The following TCF12 variants were observed in gnomAD, a reference collection of about 807,000 sequenced individuals.
TCF12 encodes the protein DNA-binding protein HTF4.
TCF12 carries 45 observed loss-of-function variants against 86.0 expected under a neutral mutation model. The ratio of observed to expected loss-of-function variants is 0.52; its 90% CI spans 0.41 to 0.67. The LOEUF (loss-of-function observed/expected upper bound fraction) is 0.67, where lower values mean the gene tolerates loss of function less well. TCF12 is among the 30% of genes least tolerant of loss of function. The pLI, the probability that TCF12 is intolerant of heterozygous loss-of-function variation, is 0.00. For missense variants in TCF12, 881 were observed against 859.9 expected, an observed-to-expected ratio of 1.02 and a Z score of -0.31; for synonymous variants, 330 against 299.6, an observed-to-expected ratio of 1.10 and a Z score of -1.05.
intron 3 of TCF12, among the ~76,000 whole-genome samples, chr15:57,046,435 TTTTG>T (rs148324656): frequency 6.6e-6 from 1 of 152,036 alleles, no homozygotes. Flanking sequence ...CTGACATTGT[TTTTG>T]TTTGTTTGTT....
intron 5 of TCF12, among the ~76,000 whole-genome samples, chr15:57,111,383 A>T (rs2050478535): frequency 6.6e-6 from 1 of 152,072 alleles, no homozygotes; most frequent in South Asian, 2.1e-4. Context: ...AGACCTAAGC[A>T]AGAGAGATCA....
rs548309656 is a variant in TCF12, at chr15:57,208,754, C to T, written c.579+10929C>T. Among the ~76,000 whole-genome samples the T allele has an allele frequency of 7.2e-5, 11 of 151,736 alleles. 1 individual carries two copies. The East Asian group carries it at 1.4e-3, about 19-fold the overall frequency. On this transcript the variant is annotated intron_variant, in intron 8 of 20. Coordinates refer to ENST00000333725, the MANE Select transcript of TCF12 (RefSeq NM_207037.2). ...ACAGGAATTCAGTCTGTGGTCCAGGCTGGAGTACAGTGGTGCCATCATAGC... is the reference window on the plus strand; with the variant it reads ...ACAGGAATTCAGTCTGTGGTCCAGGTTGGAGTACAGTGGTGCCATCATAGC...
rs1423171614 is a variant in TCF12, at chr15:57,134,767, CCT to C, written c.326-31628_326-31627del. ...AACTGATGCCATTAATTTTTTTTTTCCTCTCTCTTAAATCTTGCCCAGTGGAT... is the reference window on the plus strand; with the variant it reads ...AACTGATGCCATTAATTTTTTTTTTCCTCTCTTAAATCTTGCCCAGTGGAT... On this transcript the variant is annotated intron_variant, in intron 5 of 20. Coordinates refer to ENST00000333725, the MANE Select transcript of TCF12 (RefSeq NM_207037.2). 1.7e-4 allele frequency among the ~76,000 whole-genome samples: 26 copies of C among 151,086 alleles called. 1 individual carries two copies. The highest frequency in any genetic ancestry group is 1.4e-3 in the Admixed American group (21 of 15,190).
chr15:57,113,424 G>T (rs537180705), intron 5 of TCF12, among the ~76,000 whole-genome samples: 2 of 152,108 alleles, frequency 1.3e-5, no homozygotes, highest in Non-Finnish European at 2.9e-5. Flanking sequence ...TTGAGGGCAG[G>T]TCTCCTTGTT....
rs1342823860 is a variant in TCF12 at position 57,192,195 on chromosome 15, C to T, written c.428C>T (p.Pro143Leu). 6.2e-7 allele frequency: 1 copy of T among 1,613,870 alleles called. No individual in the cohort carries two copies. The highest frequency in any genetic ancestry group is 8.5e-7 in the Non-Finnish European group (1 of 1,179,968). The change falls in exon 7 of 21, where the codon CCA (proline) becomes CTA (leucine). Residue 143 changes from proline (P) to leucine (L), a missense_variant. Coordinates refer to ENST00000333725, the MANE Select transcript of TCF12 (RefSeq NM_207037.2). ...AGACAAGATCTGGGGCTTGGGAGCC[C>T]AGCACAGCTATCTTCTTCAGGAAAA... ...LLRQDLGLGSPAQLSSSGKPG... is the reference protein window; with the variant it reads ...LLRQDLGLGSLAQLSSSGKPG...
intron 8 of TCF12, among the ~76,000 whole-genome samples, chr15:57,218,127 G>A (rs1324214103): frequency 6.6e-6 from 1 of 152,078 alleles, no homozygotes; most frequent in Non-Finnish European, 1.5e-5. Flanking sequence ...AAATGAGGTT[G>A]GGGGGATAGG....
chr15:56,952,621 G>T (rs553233469), intron 3 of TCF12, among the ~76,000 whole-genome samples: 4 of 151,938 alleles, frequency 2.6e-5, no homozygotes, highest in Admixed American at 2.0e-4. Flanking sequence ...ATATATCTCT[G>T]TTTCATACTT....
Position 56,943,089 on chromosome 15 carries a change from C to T in TCF12, c.148+21991C>T, listed in dbSNP as rs541051813. ...TTCCCACTCCTTGGCAGAGGTTTTC[C>T]TCTGTTCAGTTTCTCCTGAGAGCTT... On this transcript the variant is annotated intron_variant, in intron 3 of 20. Transcript: ENST00000333725. Among the ~76,000 whole-genome samples the T allele has an allele frequency of 3.0e-4, 45 of 152,218 alleles. No individual in the cohort carries two copies. The East Asian group carries it at 8.1e-3, about 27-fold the overall frequency.
intron 3 of TCF12, among the ~76,000 whole-genome samples, chr15:56,990,135 T>C (rs761523834): frequency 2.3e-4 from 34 of 149,824 alleles, no homozygotes; most frequent in Non-Finnish European, 4.3e-4. Context: ...CCATTTATTT[T>C]TAGGCATAGT....
chr15:57,075,824 C>CTTTTATT (rs1567371004), intron 4 of TCF12, among the ~76,000 whole-genome samples: 1 of 52,862 alleles, frequency 1.9e-5, no homozygotes, highest in African/African-American at 8.0e-5. Flanking sequence ...CTCTCTCTCT[C>CTTTTATT]TCTCTCTCTC....
At chr15:57,071,082 G>A (rs1006367721) in intron 4 of TCF12, among the ~76,000 whole-genome samples, 1 of 152,082 alleles carries the variant, frequency 6.6e-6, no homozygotes, top group Non-Finnish European at 1.5e-5. Flanking sequence ...CAGGAAATAT[G>A]CTTAGACATG....
At chr15:57,157,568 T>C (rs72731958) in intron 5 of TCF12, among the ~76,000 whole-genome samples, 26,219 of 149,812 alleles carry the variant, frequency 0.18, 2,662 homozygotes, top group Non-Finnish European at 0.23. Context: ...TTTTTTTTTT[T>C]TCCTTTTTTG....
At chr15:57,246,673 G>A (rs115203972) in intron 13 of TCF12, among the ~76,000 whole-genome samples, 1,753 of 152,070 alleles carry the variant, frequency 0.012, 31 homozygotes, top group African/African-American at 0.039. Context: ...AGAAAAAGAC[G>A]AAGCTACAAC....
At chr15:57,290,629 AAGC>A (rs1342903629), downstream of TCF12, among the ~76,000 whole-genome samples, 2 of 152,226 alleles carry the variant, frequency 1.3e-5, no homozygotes. Flanking sequence ...AAGAAGGCCC[AAGC>A]AGCCCAGTGA....
rs145912946 is a variant in TCF12, at chr15:57,018,172, A to G, written c.149-45578A>G. 5.3e-3 allele frequency among the ~76,000 whole-genome samples: 800 copies of G among 152,346 alleles called. 9 individuals carry two copies. Among genetic ancestry groups the G allele is most frequent in the African/African-American group, 0.019 (775 of 41,580 alleles). Reference sequence around the variant, plus strand: ...ATTGCAACCTGGGAGCATAGATTCAAGTTGCTCTGAATATACACATTGATT... The same window carrying G: ...ATTGCAACCTGGGAGCATAGATTCAGGTTGCTCTGAATATACACATTGATT... On this transcript the variant is annotated intron_variant, in intron 3 of 20. Transcript: ENST00000333725.
chr15:56,946,979 G>C (rs1223537894), intron 3 of TCF12, among the ~76,000 whole-genome samples: 3 of 151,866 alleles, frequency 2.0e-5, no homozygotes, highest in African/African-American at 4.8e-5. Context: ...TGTACTTTTA[G>C]TAGAGACAGG....
chr15:57,186,334 A>G (rs538334055), intron 6 of TCF12, among the ~76,000 whole-genome samples: 10 of 152,280 alleles, frequency 6.6e-5, no homozygotes, highest in African/African-American at 1.7e-4. Flanking sequence ...TCTGATGTCT[A>G]CAAAACATTT....
At chr15:57,082,248 G>A (rs2048360425) in intron 4 of TCF12, among the ~76,000 whole-genome samples, 1 of 152,118 alleles carries the variant, frequency 6.6e-6, no homozygotes, top group Non-Finnish European at 1.5e-5. Context: ...TATTATTACG[G>A]CCATGGGTCA....
chr15:56,969,881 A>G (rs1245246541), intron 3 of TCF12, among the ~76,000 whole-genome samples: 5 of 152,194 alleles, frequency 3.3e-5, no homozygotes, highest in African/African-American at 1.2e-4. Flanking sequence ...GCAGTTCAGC[A>G]TTTAGAAGTT....
Sources: allele counts gnomAD v4.1 joint callset (sites outside exome capture counted in the v4.1 genomes callset), GRCh38; gene constraint gnomAD v4.1.1; transcripts MANE v1.5; gene names NCBI Gene and HGNC (gene_info 2026-07-23, HGNC 2026-07-21).